The following LRP1B variants were observed in gnomAD, a reference collection of about 807,000 sequenced individuals.
LRP1B encodes the protein low-density lipoprotein receptor-related protein 1B.
In LRP1B, 217 loss-of-function variants were observed where a neutral mutation model predicts 556.6. The ratio of observed to expected loss-of-function variants is 0.39; its 90% CI spans 0.35 to 0.44. The LOEUF (loss-of-function observed/expected upper bound fraction) is 0.44. Among genes scored for constraint, LRP1B ranks in the 20% least tolerant of loss-of-function variants. The pLI, the probability that LRP1B is intolerant of heterozygous loss-of-function variation, is 1.00. For synonymous variants in LRP1B, 2,047 were observed against 1,865.8 expected (o/e 1.10, Z -2.50); for missense variants, 5,053 against 5,620.8 (o/e 0.90, Z 3.23).
At chr2:140,829,968 T>A (rs1201671917) in intron 31 of LRP1B, among the ~76,000 whole-genome samples, 19 of 152,012 alleles carry the variant, frequency 1.2e-4, no homozygotes, top group Non-Finnish European at 1.5e-5. Flanking sequence ...CATTAGGGAC[T>A]ATTACGAACA....
At chr2:140,835,209 A>G (rs1331495959) in intron 31 of LRP1B, among the ~76,000 whole-genome samples, 1 of 152,194 alleles carries the variant, frequency 6.6e-6, no homozygotes, top group African/African-American at 2.4e-5. Context: ...GAGAAAATCT[A>G]CGTTAGTGAA....
chr2:140,885,437 G>A lies in LRP1B; in HGVS notation c.3964+701C>T, dbSNP rs148961719. 1.5e-3 allele frequency among the ~76,000 whole-genome samples: 225 copies of A among 149,736 alleles called. 1 individual carries two copies. The highest frequency in any genetic ancestry group is 4.9e-3 in the African/African-American group (197 of 40,524). ...ATGATCTAGGCTCACTGCAACCTCC[G>A]CCTCCCAGGTTCACGCAATTCTCCT... is the stretch of plus-strand genomic sequence containing the variant. On this transcript the variant is annotated intron_variant, in intron 24 of 90. Coordinates refer to ENST00000389484, the MANE Select transcript of LRP1B (RefSeq NM_018557.3).
At chr2:141,730,429 A>C (rs1357069782) in intron 2 of LRP1B, among the ~76,000 whole-genome samples, 1 of 152,174 alleles carries the variant, frequency 6.6e-6, no homozygotes, top group African/African-American at 2.4e-5. Context: ...AAAGGAAAAA[A>C]AGAGCTTTGC....
At chr2:141,490,368 C>CGTG (rs1491339740) in intron 2 of LRP1B, among the ~76,000 whole-genome samples, 2 of 40,842 alleles carry the variant, frequency 4.9e-5, no homozygotes, top group African/African-American at 6.4e-5. Context: ...TTAAAATAGC[C>CGTG]TCGTGTGTGT....
At chr2:140,530,191 C>T (rs532171276) in intron 47 of LRP1B, among the ~76,000 whole-genome samples, 1 of 152,214 alleles carries the variant, frequency 6.6e-6, no homozygotes, top group African/African-American at 2.4e-5. Flanking sequence ...TATATACTGA[C>T]TTCCAATTGT....
At chr2:141,076,896 AGGT>A (rs1699801304) in intron 7 of LRP1B, among the ~76,000 whole-genome samples, 1 of 152,180 alleles carries the variant, frequency 6.6e-6, no homozygotes, top group South Asian at 2.1e-4. Flanking sequence ...ATTGATTGAT[AGGT>A]GGATGCAATG....
At chr2:141,457,116 T>C (rs1281199366) in intron 3 of LRP1B, among the ~76,000 whole-genome samples, 1 of 152,092 alleles carries the variant, frequency 6.6e-6, no homozygotes, top group Non-Finnish European at 1.5e-5. Context: ...CAGGAGGAGT[T>C]TGGATGGACA....
chr2:141,514,541 G>T (rs755229182), intron 2 of LRP1B, among the ~76,000 whole-genome samples: 1 of 152,154 alleles, frequency 6.6e-6, no homozygotes, highest in Non-Finnish European at 1.5e-5. Context: ...AGTGGCTATC[G>T]TGGTAGATAT....
intron 2 of LRP1B, among the ~76,000 whole-genome samples, chr2:141,747,624 T>G (rs1693962370): frequency 6.6e-6 from 1 of 152,134 alleles, no homozygotes; most frequent in African/African-American, 2.4e-5. Flanking sequence ...AGCGAGACTC[T>G]AAATAAATAA....
At chr2:140,582,825 A>G (rs1017718818) in intron 43 of LRP1B, among the ~76,000 whole-genome samples, 3 of 152,164 alleles carry the variant, frequency 2.0e-5, no homozygotes, top group African/African-American at 7.2e-5. Flanking sequence ...ATACTGCAGC[A>G]TTTATTTTTC....
chr2:140,742,932 G>A (rs938828638), intron 35 of LRP1B, among the ~76,000 whole-genome samples: 3 of 151,994 alleles, frequency 2.0e-5, no homozygotes, highest in Admixed American at 6.6e-5. Context: ...TATTTAAAAG[G>A]CAAAACGGGT....
At chr2:140,328,785 TACACAC>T (rs142058381) in intron 79 of LRP1B, among the ~76,000 whole-genome samples, 2 of 152,052 alleles carry the variant, frequency 1.3e-5, no homozygotes, top group East Asian at 1.9e-4. Context: ...CATGTTTTCA[TACACAC>T]ACACAAACAC....
intron 7 of LRP1B, among the ~76,000 whole-genome samples, chr2:141,163,629 T>A (rs1680125344): frequency 6.6e-6 from 1 of 152,066 alleles, no homozygotes. Context: ...TCTCCCATAC[T>A]GTTCTTATGG....
rs542750461 is a variant in LRP1B at position 141,653,855 on chromosome 2, C to CT, written c.205+156423dup. ...CAGAAGTTGTGGTTTACAGTATTTT[C>CT]TTTTTTTTCTTTTATAAAAATGGTA... On this transcript the variant is annotated intron_variant, in intron 2 of 90. Coordinates refer to ENST00000389484, the MANE Select transcript of LRP1B (RefSeq NM_018557.3). Among the ~76,000 whole-genome samples, 98 of 152,112 alleles carry CT rather than the reference C, an allele frequency of 6.4e-4. 1 individual carries two copies. The South Asian group carries it at 0.017, about 26-fold the overall frequency.
At chr2:141,740,145 G>A (rs1188498891) in intron 2 of LRP1B, among the ~76,000 whole-genome samples, 1 of 152,050 alleles carries the variant, frequency 6.6e-6, no homozygotes, top group Non-Finnish European at 1.5e-5. Context: ...CATTTTGATA[G>A]CATAATTGCA....
intron 6 of LRP1B, among the ~76,000 whole-genome samples, chr2:141,208,853 A>T (rs1308023518): frequency 8.2e-6 from 1 of 121,312 alleles, no homozygotes; most frequent in Non-Finnish European, 1.6e-5. Context: ...TGGGCAATAA[A>T]GCGAGATTCT....
Position 141,520,115 on chromosome 2 carries a change from C to A in LRP1B, c.206-39582G>T, listed in dbSNP as rs1471118912. On this transcript the variant is annotated intron_variant, in intron 2 of 90. Coordinates refer to ENST00000389484, the MANE Select transcript of LRP1B (RefSeq NM_018557.3). Reference sequence around the variant, plus strand: ...TAGAAGGAGAATAAAGAAACTGGTGCATTTGGAGTCAGACAAAAAGTTCAT... The same window carrying A: ...TAGAAGGAGAATAAAGAAACTGGTGAATTTGGAGTCAGACAAAAAGTTCAT... Among the ~76,000 whole-genome samples the A allele has an allele frequency of 3.9e-5, 6 of 152,236 alleles. No homozygotes were observed. The East Asian group carries it at 1.2e-3, about 29-fold the overall frequency.
chr2:141,452,109 T>C (rs953238985), intron 3 of LRP1B, among the ~76,000 whole-genome samples: 3 of 152,124 alleles, frequency 2.0e-5, no homozygotes, highest in Non-Finnish European at 4.4e-5. Context: ...GTATAAAACT[T>C]TATAAAAAGA....
chr2:142,074,099 A>G (rs775281407), intron 1 of LRP1B, among the ~76,000 whole-genome samples: 1 of 151,962 alleles, frequency 6.6e-6, no homozygotes, highest in African/African-American at 2.4e-5. Flanking sequence ...TTTACTCGCA[A>G]ACTTTCAACC....
Sources: gnomAD v4.1 joint callset for allele counts (sites outside exome capture counted in the v4.1 genomes callset) on GRCh38, gnomAD v4.1.1 for gene constraint, MANE v1.5 for transcripts, NCBI Gene and HGNC (gene_info 2026-07-23, HGNC 2026-07-21) for gene names.